VAT1L: variants seen among roughly 807,000 people sequenced by gnomAD.
VAT1L encodes vesicle amine transport 1 like, also known as putative NADPH-dependent quinone oxidoreductase VAT1L.
Under a neutral mutation model 44.1 loss-of-function variants are expected in VAT1L, and 34 were observed. The observed-to-expected ratio is 0.77, with a 90% CI of 0.59 to 1.03. The LOEUF (loss-of-function observed/expected upper bound fraction) is 1.03. Among genes scored for constraint, VAT1L ranks in the 50% least tolerant of loss-of-function variants. VAT1L has a pLI of 0.00. For missense variants in VAT1L, 615 were observed against 538.8 expected (o/e 1.14, Z -1.40); for synonymous variants, 253 against 202.2 (o/e 1.25, Z -2.13).
rs372155498 is a variant in VAT1L at position 77,856,013 on chromosome 16, AAAACAAAC to A, written c.580-6715_580-6708del. The stretch of plus-strand genomic sequence containing the variant: ...CCTGGCAACAGAGGAAGACTCCGTC[AAAACAAAC>A]AAACAAACAAACAAACAAAAAACAC... On this transcript the variant is annotated intron_variant, in intron 3 of 8. Transcript: ENST00000302536. 2.6e-4 allele frequency among the ~76,000 whole-genome samples: 39 copies of A among 152,122 alleles called. 1 individual carries two copies. Among genetic ancestry groups the A allele is most frequent in the African/African-American group, 8.2e-4 (34 of 41,496 alleles).
intron 7 of VAT1L, among the ~76,000 whole-genome samples, chr16:77,885,496 G>A (rs77102819): frequency 0.065 from 9,834 of 152,114 alleles, 1,064 homozygotes; most frequent in African/African-American, 0.22. Flanking sequence ...TCAGTTAATG[G>A]CAGCTCCTTG....
chr16:77,970,876 T>C (rs909474462), intron 7 of VAT1L, among the ~76,000 whole-genome samples: 1 of 152,244 alleles, frequency 6.6e-6, no homozygotes, highest in Admixed American at 6.5e-5. Context: ...AGGCACTGTA[T>C]CTTACTTTTT....
chr16:77,825,883 C>T (rs1354681546), intron 3 of VAT1L, among the ~76,000 whole-genome samples: 13 of 148,256 alleles, frequency 8.8e-5, no homozygotes, highest in Non-Finnish European at 1.0e-4. Context: ...ATTAGCCGGG[C>T]GTAGTGGCAG....
chr16:77,951,234 G>A (rs1483658770), intron 7 of VAT1L, among the ~76,000 whole-genome samples: 1 of 152,166 alleles, frequency 6.6e-6, no homozygotes, highest in Non-Finnish European at 1.5e-5. Flanking sequence ...CAAAGTGGAA[G>A]GGTAATTTGT....
chr16:77,863,135 C>G (rs1029197821), intron 4 of VAT1L, among the ~76,000 whole-genome samples: 1 of 152,150 alleles, frequency 6.6e-6, no homozygotes. Flanking sequence ...TACGCTAGCT[C>G]CTATTTGACC....
chr16:77,939,417 G>A (rs530076032), intron 7 of VAT1L, among the ~76,000 whole-genome samples: 1 of 152,322 alleles, frequency 6.6e-6, no homozygotes, highest in East Asian at 1.9e-4. Flanking sequence ...GGTGGGAGTA[G>A]TTAGTTACAC....
In VAT1L at chr16:77,884,643, GTA is replaced by G; in HGVS notation, c.920_921del (p.Tyr307Ter). 6.2e-7 allele frequency: 1 copy of G among 1,613,614 alleles called. No homozygotes were observed. The highest frequency in any genetic ancestry group is 8.5e-7 in the Non-Finnish European group (1 of 1,179,886). ...QVEKVNPIKL[Y>X]EENKVIAGFS... ...TGGAGAAGGTGAACCCCATCAAGCT[GTA>G]TGAGGAGAACAAAGTCATCGCGGGG... is the stretch of plus-strand genomic sequence containing the variant. On this transcript the variant is annotated frameshift_variant, in exon 7 of 9. Transcript: ENST00000302536. LOFTEE classifies it high-confidence loss of function. This position sits in a 1 kb window ranked among gnomAD's most constrained non-coding sequence, Gnocchi z 4.5.
In VAT1L at chr16:77,922,916, T is replaced by C. The variant is rs2017627426; in HGVS notation, c.1077+38114T>C. 2.0e-5 allele frequency among the ~76,000 whole-genome samples: 3 copies of C among 152,176 alleles called. No individual in the cohort carries two copies. In the South Asian group the frequency reaches 6.2e-4, roughly 32 times the overall value. ...TTGGAATTCCTGGGGAGCTTTATAA[T>C]GCAGATTCCGGGACCTCAACCCAGA... On this transcript the variant is annotated intron_variant, in intron 7 of 8. Coordinates refer to ENST00000302536, the MANE Select transcript of VAT1L (RefSeq NM_020927.3).
Position 77,915,897 on chromosome 16 carries a change from T to C in VAT1L, c.1077+31095T>C, listed in dbSNP as rs368663381. On this transcript the variant is annotated intron_variant, in intron 7 of 8. Coordinates refer to ENST00000302536, the MANE Select transcript of VAT1L (RefSeq NM_020927.3). ...GGGAAGACAACTCCTGCGAAGTGCA[T>C]TGTCAAGCCAGCTACTCCTGTGGGT... Among the ~76,000 whole-genome samples, 4 of 152,234 alleles carry C rather than the reference T, an allele frequency of 2.6e-5. No individual in the cohort carries two copies. The East Asian group carries it at 7.7e-4, about 29-fold the overall frequency.
intron 7 of VAT1L, among the ~76,000 whole-genome samples, chr16:77,943,999 C>T (rs2017926681): frequency 6.6e-6 from 1 of 152,176 alleles, no homozygotes; most frequent in Admixed American, 6.5e-5. Context: ...TCCCCTCCAA[C>T]CTCCCATTTC....
At chr16:77,974,731 T>G (rs959485553) in intron 8 of VAT1L, among the ~76,000 whole-genome samples, 1 of 150,976 alleles carries the variant, frequency 6.6e-6, no homozygotes, top group African/African-American at 2.4e-5. Context: ...CCCAGCTAAT[T>G]TTTTTTTTAT....
At chr16:77,881,769 G>T (rs2017158042) in intron 6 of VAT1L, among the ~76,000 whole-genome samples, 1 of 152,258 alleles carries the variant, frequency 6.6e-6, no homozygotes, top group African/African-American at 2.4e-5. Flanking sequence ...GATGCTGTCT[G>T]GAGTGTGTCC....
chr16:77,887,323 G>A (rs1279343489), intron 7 of VAT1L, among the ~76,000 whole-genome samples: 2 of 152,158 alleles, frequency 1.3e-5, no homozygotes, highest in South Asian at 2.1e-4. Flanking sequence ...AGAGTCAGGA[G>A]GTACCACATC....
intron 7 of VAT1L, among the ~76,000 whole-genome samples, chr16:77,943,127 G>A (rs2017910789): frequency 6.6e-6 from 1 of 150,648 alleles, no homozygotes; most frequent in Non-Finnish European, 1.5e-5. Context: ...CTCTATCTCT[G>A]CTCAGTGCAA....
intron 7 of VAT1L, 67 bp from the exon 8 acceptor site, chr16:77,971,783 A>G: frequency 1.3e-6 from 2 of 1,530,784 alleles, no homozygotes; most frequent in Non-Finnish European, 8.9e-7. Context: ...TGAGTTCTCC[A>G]GGCCCCCTTT....
chr16:77,922,394 C>T (rs1196247508), intron 7 of VAT1L, among the ~76,000 whole-genome samples: 1 of 152,188 alleles, frequency 6.6e-6, no homozygotes, highest in African/African-American at 2.4e-5. Flanking sequence ...TTCAAATGAA[C>T]AGACAAAGGG....
At chr16:77,803,432 T>TC (rs2016100682) in intron 1 of VAT1L, among the ~76,000 whole-genome samples, 1 of 148,262 alleles carries the variant, frequency 6.7e-6, no homozygotes, top group Non-Finnish European at 1.5e-5. Context: ...TTTTTTTTTT[T>TC]TTTTTGAGAT....
At chr16:77,909,843 T>A (rs914280722) in intron 7 of VAT1L, among the ~76,000 whole-genome samples, 1 of 152,054 alleles carries the variant, frequency 6.6e-6, no homozygotes, top group African/African-American at 2.4e-5. Context: ...GGGCTCTGAA[T>A]TTTTCCATGC....
intron 7 of VAT1L, among the ~76,000 whole-genome samples, chr16:77,958,730 C>T (rs547989974): frequency 6.6e-6 from 1 of 152,340 alleles, no homozygotes; most frequent in Admixed American, 6.5e-5. Flanking sequence ...TATATTTGAT[C>T]AGGAGAACAA....
Sources: allele counts gnomAD v4.1 joint callset (sites outside exome capture counted in the v4.1 genomes callset), GRCh38; gene constraint gnomAD v4.1.1; non-coding constraint Gnocchi (gnomAD v3.1); transcripts MANE v1.5; gene names NCBI Gene and HGNC (gene_info 2026-07-23, HGNC 2026-07-21).